Variants in HIPK2 observed in about 807,000 individuals in gnomAD.
HIPK2 encodes homeodomain interacting protein kinase 2, also known as homeodomain-interacting protein kinase 2.
Under a neutral mutation model 113.7 loss-of-function variants are expected in HIPK2, and 27 were observed. That is an observed-to-expected ratio of 0.24 (90% CI 0.17 to 0.33). HIPK2 has a LOEUF of 0.33. Ranked by LOEUF, HIPK2 falls within the 10% of genes least tolerant of loss-of-function variation. The probability of loss-of-function intolerance (pLI) is 1.00; values close to 1 mark genes in which losing one functional copy is unlikely to be tolerated. For missense variants in HIPK2, 1,257 were observed against 1,588.0 expected, an observed-to-expected ratio of 0.79 and a Z score of 3.54; for synonymous variants, 631 against 642.2, an observed-to-expected ratio of 0.98 and a Z score of 0.26.
chr7:139,719,420 A>T (rs1022293022), intron 1 of HIPK2, among the ~76,000 whole-genome samples: 1 of 151,922 alleles, frequency 6.6e-6, no homozygotes, highest in Non-Finnish European at 1.5e-5. Context: ...CTCCTTTCAA[A>T]TGTTGGCATT....
At chr7:139,649,609 C>G (rs1801383896) in intron 2 of HIPK2, among the ~76,000 whole-genome samples, 1 of 151,944 alleles carries the variant, frequency 6.6e-6, no homozygotes, top group Non-Finnish European at 1.5e-5. Flanking sequence ...AAGTGGGTCC[C>G]AGAAATGGAT....
In HIPK2 at chr7:139,684,179, T is replaced by C. The variant is rs75910374; in HGVS notation, c.1103+31753A>G. On this transcript the variant is annotated intron_variant, in intron 2 of 14. Coordinates refer to ENST00000406875, the MANE Select transcript of HIPK2 (RefSeq NM_022740.5). ...TGTAATGGTACTTGTGTGCCATGAATTGCACCCATATAAGATGGCAAACTT... is the reference window on the plus strand; with the variant it reads ...TGTAATGGTACTTGTGTGCCATGAACTGCACCCATATAAGATGGCAAACTT... Among the ~76,000 whole-genome samples, 640 of 152,320 alleles carry C rather than the reference T, an allele frequency of 4.2e-3. 5 individuals are homozygous for C. The highest frequency in any genetic ancestry group is 0.014 in the African/African-American group (563 of 41,564).
rs906304108 is a variant in HIPK2 at position 139,763,478 on chromosome 7, C to A, written c.19+14127G>T. Among the ~76,000 whole-genome samples the A allele has an allele frequency of 3.8e-5, 5 of 130,500 alleles. 1 individual carries two copies. The highest frequency in any genetic ancestry group is 1.3e-4 in the African/African-American group (4 of 30,754). The allele number at this position is 130,500 out of a possible 152,430, so 85.6% of individuals were successfully genotyped here. ...TAAGATTTTGCCGGAACACGCCCCCCCCCCCACACGCCCCTCCCACCACGT... is the reference window on the plus strand; with the variant it reads ...TAAGATTTTGCCGGAACACGCCCCCACCCCCACACGCCCCTCCCACCACGT... On this transcript the variant is annotated intron_variant, in intron 1 of 14. Coordinates refer to ENST00000406875, the MANE Select transcript of HIPK2 (RefSeq NM_022740.5).
Position 139,570,705 on chromosome 7 carries a change from T to C in HIPK2, c.*2222A>G, listed in dbSNP as rs542971026. On this transcript the variant is annotated 3_prime_UTR_variant, in exon 15 of 15. Transcript: ENST00000406875. ...AAACACACCTTTCACAGTAGATCCT[T>C]GAGGGAGACTGCACAGTGAGGAAGT... The C allele has an allele frequency of 6.6e-6, 1 of 152,498 alleles. No individual in the cohort carries two copies. Among genetic ancestry groups the C allele is most frequent in the Admixed American group, 6.5e-5 (1 of 15,282 alleles). 9.4% of individuals were successfully genotyped at this position (152,498 alleles called of 1,614,324 possible). A position where few individuals can be genotyped will look rare whatever the true frequency, so the allele number is the denominator to read the frequency against.
intron 2 of HIPK2, among the ~76,000 whole-genome samples, chr7:139,682,983 G>T (rs1474779668): frequency 6.6e-6 from 1 of 152,208 alleles, no homozygotes; most frequent in Non-Finnish European, 1.5e-5. Flanking sequence ...TCCTTTCTGG[G>T]AAATGACAGA....
intron 2 of HIPK2, among the ~76,000 whole-genome samples, chr7:139,664,600 C>T (rs1801981780): frequency 6.6e-6 from 1 of 152,150 alleles, no homozygotes; most frequent in Non-Finnish European, 1.5e-5. Flanking sequence ...TCCCACATGG[C>T]TTCCACCCTT....
rs1437308044 is a variant in HIPK2 at position 139,572,856 on chromosome 7, C to CCTCCCCCCTTCT, written c.*70_*71insAGAAGGGGGGAG. ...GCCAGCGCCCACGGTCCCAGGAGCG[C>CCTCCCCCCTTCT]CTCCCTCCTTCTCTCCCTCCTCCCT... On this transcript the variant is annotated 3_prime_UTR_variant, in exon 15 of 15. Coordinates refer to ENST00000406875, the MANE Select transcript of HIPK2 (RefSeq NM_022740.5). The CCTCCCCCCTTCT allele has an allele frequency of 4.4e-6, 6 of 1,350,106 alleles. No homozygotes were observed. The East Asian group carries it at 1.5e-4, about 35-fold the overall frequency. 83.6% of individuals were successfully genotyped at this position (1,350,106 alleles called of 1,614,324 possible). A position where few individuals can be genotyped will look rare whatever the true frequency, so the allele number is the denominator to read the frequency against.
chr7:139,685,360 G>T (rs895936206), intron 2 of HIPK2, among the ~76,000 whole-genome samples: 1 of 151,948 alleles, frequency 6.6e-6, no homozygotes. Context: ...ACAAGGTTTC[G>T]CCATGTTGCC....
chr7:139,693,136 G>C (rs572758570), intron 2 of HIPK2, among the ~76,000 whole-genome samples: 150 of 152,336 alleles, frequency 9.8e-4, no homozygotes, highest in African/African-American at 3.5e-3. Flanking sequence ...CTATCACTTA[G>C]TGATTATAGG....
At chr7:139,705,013 G>A (rs1794848011) in intron 2 of HIPK2, among the ~76,000 whole-genome samples, 1 of 152,164 alleles carries the variant, frequency 6.6e-6, no homozygotes, top group South Asian at 2.1e-4. Context: ...CCTTCCTGGT[G>A]CCAGAGGAAA....
At chr7:139,608,252 C>CGT (rs55989071) in intron 9 of HIPK2, among the ~76,000 whole-genome samples, 18,747 of 136,582 alleles carry the variant, frequency 0.14, 1,316 homozygotes, top group African/African-American at 0.17. Flanking sequence ...CAAAAAAATA[C>CGT]GTGTGTGTGT....
chr7:139,738,232 T>C (rs530218031), intron 1 of HIPK2, among the ~76,000 whole-genome samples: 54 of 152,354 alleles, frequency 3.5e-4, no homozygotes, highest in Admixed American at 2.5e-3. Context: ...AAAAATATTG[T>C]ATCAGTGTTA....
At chr7:139,677,787 A>G (rs1802553036) in intron 2 of HIPK2, among the ~76,000 whole-genome samples, 1 of 152,166 alleles carries the variant, frequency 6.6e-6, no homozygotes, top group Non-Finnish European at 1.5e-5. Context: ...TCCTTGAGGA[A>G]TCACCACACT....
At chr7:139,773,157 G>C (rs1796681368) in intron 1 of HIPK2, among the ~76,000 whole-genome samples, 1 of 152,192 alleles carries the variant, frequency 6.6e-6, no homozygotes, top group African/African-American at 2.4e-5. Flanking sequence ...GCCCTCGTCT[G>C]TCAAGAGGTG....
At chr7:139,725,250 C>T (rs953428814) in intron 1 of HIPK2, among the ~76,000 whole-genome samples, 1 of 152,168 alleles carries the variant, frequency 6.6e-6, no homozygotes, top group Non-Finnish European at 1.5e-5. Flanking sequence ...AGTTTAGAGG[C>T]AGGAGTCACT....
chr7:139,672,448 T>G (rs1284958416), intron 2 of HIPK2, among the ~76,000 whole-genome samples: 1 of 152,118 alleles, frequency 6.6e-6, no homozygotes, highest in Non-Finnish European at 1.5e-5. Context: ...ACATGAAGAC[T>G]TCAAAAAAAA....
intron 2 of HIPK2, among the ~76,000 whole-genome samples, chr7:139,696,539 C>T (rs1794572753): frequency 6.6e-6 from 1 of 150,722 alleles, no homozygotes; most frequent in African/African-American, 2.4e-5. Context: ...GCTGCGAGTG[C>T]ACCACTATAC....
intron 2 of HIPK2, among the ~76,000 whole-genome samples, chr7:139,681,539 G>A (rs866970294): frequency 5.3e-5 from 8 of 152,068 alleles, no homozygotes; most frequent in South Asian, 4.2e-4. Context: ...GCCTCCTCCC[G>A]CTCAGTGTGG....
At chr7:139,705,522 A>G (rs145715888) in intron 2 of HIPK2, among the ~76,000 whole-genome samples, 5,891 of 152,106 alleles carry the variant, frequency 0.039, 155 homozygotes, top group Middle Eastern at 0.061. Context: ...GACTACAGGC[A>G]CCCACCAACA....
Sources: allele counts gnomAD v4.1 joint callset (sites outside exome capture counted in the v4.1 genomes callset), GRCh38; gene constraint gnomAD v4.1.1; transcripts MANE v1.5; gene names NCBI Gene and HGNC (gene_info 2026-07-23, HGNC 2026-07-21).